TFG: variants seen among roughly 807,000 people sequenced by gnomAD.
TFG encodes trafficking from ER to golgi regulator, also known as protein TFG.
In TFG, 22 loss-of-function variants were observed where a neutral mutation model predicts 51.4. The observed-to-expected ratio is 0.43, with a 90% confidence interval of 0.31 to 0.61. The LOEUF (loss-of-function observed/expected upper bound fraction) is 0.61. TFG is among the 20% of genes least tolerant of loss of function. The probability of loss-of-function intolerance (pLI) is 0.12; values close to 1 mark genes in which losing one functional copy is unlikely to be tolerated. For synonymous variants in TFG, 187 were observed against 165.6 expected (o/e 1.13, Z -0.99); for missense variants, 419 against 487.7 (o/e 0.86, Z 1.33).
intron 1 of TFG, chr3:100,710,826 C>T (rs919844484): frequency 3.3e-5 from 5 of 152,302 alleles, no homozygotes; most frequent in African/African-American, 1.2e-4. Context: ...GTTCTAGGAA[C>T]TAGTTAATAC....
chr3:100,720,570 C>T (rs1276141639), intron 3 of TFG, among the ~76,000 whole-genome samples: 1 of 152,206 alleles, frequency 6.6e-6, no homozygotes, highest in African/African-American at 2.4e-5. Context: ...AGGGTTCACA[C>T]TCCTATGTGA....
chr3:100,713,334 G>A (rs2095036122), intron 1 of TFG, among the ~76,000 whole-genome samples: 1 of 152,292 alleles, frequency 6.6e-6, no homozygotes, highest in African/African-American at 2.4e-5. Context: ...AGATAAAGAA[G>A]CCTCTAGGAG....
chr3:100,713,137 T>C (rs2095035504), intron 1 of TFG, among the ~76,000 whole-genome samples: 1 of 152,234 alleles, frequency 6.6e-6, no homozygotes, highest in Non-Finnish European at 1.5e-5. Context: ...GTTAGGAGTC[T>C]TTTCCAGTCA....
At chr3:100,739,684 T>TA (rs1426325746) in intron 6 of TFG, among the ~76,000 whole-genome samples, 7 of 152,328 alleles carry the variant, frequency 4.6e-5, no homozygotes, top group South Asian at 2.1e-4. Context: ...CTTCAACACT[T>TA]ACCAATATTT....
chr3:100,735,943 C>T (rs1436217790), intron 5 of TFG, among the ~76,000 whole-genome samples: 1 of 152,030 alleles, frequency 6.6e-6, no homozygotes, highest in Non-Finnish European at 1.5e-5. Context: ...GATAGAAGTT[C>T]ACTAGTAGAA....
In TFG at chr3:100,730,957, A is replaced by C. The variant is rs567701231; in HGVS notation, c.416-1551A>C. On this transcript the variant is annotated intron_variant, in intron 4 of 7. Transcript: ENST00000240851. ...AGGAAGTTGGTAGGGAAGATAGATA[A>C]CTGGTAGACATGTTTTAAAGGAATA... 1.4e-4 allele frequency among the ~76,000 whole-genome samples: 22 copies of C among 152,318 alleles called. 1 individual carries two copies. In the South Asian group the frequency reaches 2.9e-3, roughly 20 times the overall value.
chr3:100,711,247 C>A (rs1455138188), intron 1 of TFG, among the ~76,000 whole-genome samples: 1 of 152,054 alleles, frequency 6.6e-6, no homozygotes, highest in South Asian at 2.1e-4. Flanking sequence ...GGATTACAGG[C>A]GTGCGCCACG....
chr3:100,734,540 C>T (rs1318550266), intron 5 of TFG, among the ~76,000 whole-genome samples: 1 of 152,150 alleles, frequency 6.6e-6, no homozygotes, highest in Non-Finnish European at 1.5e-5. Flanking sequence ...TAATTCTTAT[C>T]CATTCTAATT....
At chr3:100,746,503 A>G (rs953266820) in intron 7 of TFG, among the ~76,000 whole-genome samples, 1 of 151,962 alleles carries the variant, frequency 6.6e-6, no homozygotes, top group African/African-American at 2.4e-5. Flanking sequence ...TAGATGTCCT[A>G]TGTATTAAAA....
chr3:100,736,679 A>T lies in TFG; in HGVS notation c.684A>T (p.Pro228=), dbSNP rs1240099131. The T allele has an allele frequency of 6.2e-7, 1 of 1,614,040 alleles. No individual in the cohort carries two copies. Among genetic ancestry groups the T allele is most frequent in the East Asian group, 2.2e-5 (1 of 44,870 alleles). The change falls in exon 6 of 8, where the codon CCA becomes CCT. Residue 228 remains proline (P), a synonymous_variant. Transcript: ENST00000240851. ...CAGGCGTTCAGCCACAGCAGCCACC[A>T]TATACAGGAGCTCAGACTCAAGCAG... is the stretch of plus-strand genomic sequence containing the variant. ...HPPGVQPQQP[P]YTGAQTQAGQ...
At chr3:100,718,624 C>T (rs1031756299) in intron 2 of TFG, among the ~76,000 whole-genome samples, 2 of 120,746 alleles carry the variant, frequency 1.7e-5, no homozygotes, top group Admixed American at 1.2e-4. Flanking sequence ...GTGGGGTGAT[C>T]TTGGCTCACT....
rs144544617 is a variant in TFG, at chr3:100,713,242, C to T, written c.-43-401C>T. On this transcript the variant is annotated intron_variant, in intron 1 of 7. Coordinates refer to ENST00000240851, the MANE Select transcript of TFG (RefSeq NM_006070.6). ...AGAGTTATTTTAAAGGCAGTGGCAA[C>T]CATATTTTCTTGGCAGTTTGGATGT... Among the ~76,000 whole-genome samples, 97 of 152,182 alleles carry T rather than the reference C, an allele frequency of 6.4e-4. 4 individuals are homozygous for T. The East Asian group carries it at 0.011, about 18-fold the overall frequency.
intron 7 of TFG, among the ~76,000 whole-genome samples, chr3:100,746,481 T>C (rs1400291286): frequency 6.6e-6 from 1 of 152,070 alleles, no homozygotes; most frequent in Non-Finnish European, 1.5e-5. Context: ...GCAGACTTAC[T>C]CCATAAAAGG....
chr3:100,719,973 A>G lies in TFG; in HGVS notation c.185-2A>G. ...ACAACCTTTTTTTTTTTTAAATTCC[A>G]GATGGAGATCTTATAACAATTTTTG... is the stretch of plus-strand genomic sequence containing the variant. On this transcript the variant is annotated splice_acceptor_variant, in intron 2 of 7. Coordinates refer to ENST00000240851, the MANE Select transcript of TFG (RefSeq NM_006070.6). LOFTEE classifies it high-confidence loss of function. The G allele has an allele frequency of 2.0e-6, 3 of 1,524,014 alleles. No homozygotes were observed. The highest frequency in any genetic ancestry group is 1.2e-5 in the South Asian group (1 of 80,494). 94.4% of individuals were successfully genotyped at this position (1,524,014 alleles called of 1,614,324 possible).
At chr3:100,727,996 C>T (rs1461350965) in intron 3 of TFG, among the ~76,000 whole-genome samples, 1 of 152,088 alleles carries the variant, frequency 6.6e-6, no homozygotes, top group African/African-American at 2.4e-5. Flanking sequence ...CCACACTTGG[C>T]TAATTTTTTA....
intron 7 of TFG, among the ~76,000 whole-genome samples, chr3:100,746,592 G>T (rs2095135531): frequency 6.6e-6 from 1 of 151,624 alleles, no homozygotes; most frequent in Non-Finnish European, 1.5e-5. Flanking sequence ...TATTATTTTG[G>T]AGGGACGGAA....
At chr3:100,713,900 G>T (rs769256046) in intron 2 of TFG, 31 bp downstream of exon 2, 98 of 1,076,418 alleles carry the variant, frequency 9.1e-5, no homozygotes, top group South Asian at 2.5e-4. Flanking sequence ...ATTTTTTAAA[G>T]TCTTTTTAAA....
In TFG at chr3:100,728,696, A is replaced by C; in HGVS notation, c.269-16A>C. Reference sequence around the variant, plus strand: ...ATGAACTTCTAATTTTAAGCAAATAAATGTTTTTATTTCAGTTAATGGCCA... The same window carrying C: ...ATGAACTTCTAATTTTAAGCAAATACATGTTTTTATTTCAGTTAATGGCCA... On this transcript the variant is annotated splice_polypyrimidine_tract_variant and intron_variant, in intron 3 of 7. Transcript: ENST00000240851. 2 of 1,569,544 alleles carry C rather than the reference A, an allele frequency of 1.3e-6. No individual in the cohort carries two copies. Among genetic ancestry groups the C allele is most frequent in the Non-Finnish European group, 1.7e-6 (2 of 1,161,486 alleles).
At chr3:100,726,514 C>T (rs1477468176) in intron 3 of TFG, among the ~76,000 whole-genome samples, 1 of 152,158 alleles carries the variant, frequency 6.6e-6, no homozygotes, top group Non-Finnish European at 1.5e-5. Flanking sequence ...TTAAACTTAG[C>T]TAATTTAAAC....
Sources: gnomAD v4.1 joint callset for allele counts (sites outside exome capture counted in the v4.1 genomes callset) on GRCh38, gnomAD v4.1.1 for gene constraint, MANE v1.5 for transcripts, NCBI Gene and HGNC (gene_info 2026-07-23, HGNC 2026-07-21) for gene names.